Variants in RIMS2 observed in about 807,000 individuals in gnomAD.
The protein encoded by RIMS2 is regulating synaptic membrane exocytosis 2.
In RIMS2, 59 loss-of-function variants were observed where a neutral mutation model predicts 174.4. The ratio of observed to expected loss-of-function variants is 0.34; its 90% CI spans 0.27 to 0.42. The LOEUF (loss-of-function observed/expected upper bound fraction) is 0.42. Ranked by LOEUF, RIMS2 falls within the 10% of genes least tolerant of loss-of-function variation. RIMS2 has a pLI of 1.00. For missense variants in RIMS2, 1,620 were observed against 1,666.3 expected, an observed-to-expected ratio of 0.97 and a Z score of 0.48; for synonymous variants, 606 against 572.5, an observed-to-expected ratio of 1.06 and a Z score of -0.84.
intron 3 of RIMS2, among the ~76,000 whole-genome samples, chr8:103,801,825 T>C (rs1276465947): frequency 1.3e-5 from 2 of 152,240 alleles, no homozygotes; most frequent in East Asian, 3.9e-4. Context: ...TTGAAGCACT[T>C]GCTTTTCAAT....
chr8:103,977,605 C>A (rs2093560639), intron 16 of RIMS2: 1 of 152,186 alleles, frequency 6.6e-6, no homozygotes, highest in East Asian at 1.9e-4. Flanking sequence ...CAGTTCAATT[C>A]TGACACTGTA....
At chr8:103,881,469 A>G (rs1170208094) in intron 3 of RIMS2, among the ~76,000 whole-genome samples, 1 of 151,556 alleles carries the variant, frequency 6.6e-6, no homozygotes, top group African/African-American at 2.4e-5. Context: ...AATTTATGGC[A>G]TGTAAACCCT....
intron 19 of RIMS2, among the ~76,000 whole-genome samples, chr8:104,182,906 T>C (rs1329844633): frequency 1.3e-5 from 2 of 151,782 alleles, no homozygotes; most frequent in African/African-American, 2.4e-5. Context: ...TTTACAAATA[T>C]TGATGATTAT....
At chr8:104,175,212 G>GT (rs1347674137) in intron 19 of RIMS2, among the ~76,000 whole-genome samples, 11 of 150,914 alleles carry the variant, frequency 7.3e-5, no homozygotes, top group South Asian at 2.1e-4. Context: ...TTTCCAACAA[G>GT]TTTTTTTTTC....
At chr8:103,761,704 G>A (rs763968247) in intron 2 of RIMS2, among the ~76,000 whole-genome samples, 1 of 152,194 alleles carries the variant, frequency 6.6e-6, no homozygotes, top group Non-Finnish European at 1.5e-5. Flanking sequence ...TAGCTAGCCA[G>A]AATCTTTCAC....
chr8:103,631,713 T>G (rs2095926340), intron 1 of RIMS2, among the ~76,000 whole-genome samples: 1 of 152,182 alleles, frequency 6.6e-6, no homozygotes, highest in Non-Finnish European at 1.5e-5. Flanking sequence ...CTAGATTGCT[T>G]TGGGTAGTAT....
chr8:103,584,356 A>C (rs2093784517), intron 1 of RIMS2, among the ~76,000 whole-genome samples: 1 of 151,480 alleles, frequency 6.6e-6, no homozygotes, highest in South Asian at 2.1e-4. Context: ...CTTCAATCAG[A>C]AAGAAGAGGA....
intron 19 of RIMS2, among the ~76,000 whole-genome samples, chr8:104,077,612 A>G (rs192865706): frequency 7.4e-5 from 11 of 148,370 alleles, no homozygotes; most frequent in Admixed American, 5.3e-4. Context: ...ATATAAAATT[A>G]TAATGTATTT....
chr8:103,921,953 C>G, intron 10 of RIMS2, 169 bp downstream of exon 13: 1 of 408,252 alleles, frequency 2.4e-6, no homozygotes, highest in Non-Finnish European at 4.4e-6. Flanking sequence ...ATTTATCATA[C>G]TGCTTCATTT....
At chr8:103,998,263 T>C (rs770878871) in intron 17 of RIMS2, 30 of 1,584,174 alleles carry the variant, frequency 1.9e-5, no homozygotes, top group Non-Finnish European at 2.6e-5. Context: ...ATATTTTTCT[T>C]ACAATTGAGT....
intron 19 of RIMS2, among the ~76,000 whole-genome samples, chr8:104,182,355 T>C (rs2098944809): frequency 6.6e-6 from 1 of 151,828 alleles, no homozygotes; most frequent in Admixed American, 6.6e-5. Context: ...TAGAAAAATA[T>C]CTTATTTTTA....
intron 19 of RIMS2, among the ~76,000 whole-genome samples, chr8:104,040,582 C>T (rs62527159): frequency 0.25 from 38,343 of 151,364 alleles, 5,253 homozygotes; most frequent in African/African-American, 0.35. Flanking sequence ...TATAAAGTGG[C>T]ATTTGTAAGA....
At chr8:103,557,118 G>A (rs1442590293) in intron 1 of RIMS2, among the ~76,000 whole-genome samples, 1 of 152,138 alleles carries the variant, frequency 6.6e-6, no homozygotes, top group Non-Finnish European at 1.5e-5. Context: ...TGTATGTAAA[G>A]TACTTAACAC....
At chr8:103,647,844 A>G (rs1339805764) in intron 1 of RIMS2, among the ~76,000 whole-genome samples, 1 of 131,498 alleles carries the variant, frequency 7.6e-6, no homozygotes, top group Non-Finnish European at 1.7e-5. Flanking sequence ...GTGGTATATT[A>G]TATTAATTTT....
chr8:103,867,489 T>C (rs1316842319), intron 3 of RIMS2, among the ~76,000 whole-genome samples: 1 of 151,890 alleles, frequency 6.6e-6, no homozygotes, highest in Non-Finnish European at 1.5e-5. Flanking sequence ...ACTAACCTTT[T>C]AAGTTTTCTA....
chr8:104,090,522 A>C (rs964662362), intron 19 of RIMS2, among the ~76,000 whole-genome samples: 1 of 151,810 alleles, frequency 6.6e-6, no homozygotes, highest in African/African-American at 2.4e-5. Flanking sequence ...AAAACCAATC[A>C]GGAAAGCTGG....
At chr8:104,136,094 A>T (rs1173786956) in intron 19 of RIMS2, among the ~76,000 whole-genome samples, 1 of 152,198 alleles carries the variant, frequency 6.6e-6, no homozygotes, top group Admixed American at 6.5e-5. Flanking sequence ...CCAGTAGAGA[A>T]TTACTCTGTC....
intron 1 of RIMS2, chr8:103,559,457 G>T (rs1251576621): frequency 4.2e-5 from 14 of 331,488 alleles, no homozygotes; most frequent in African/African-American, 6.9e-5. Context: ...GGACTCTGGT[G>T]ATCAAGCTGC....
chr8:103,933,288 GAC>G (rs55909886), intron 12 of RIMS2, among the ~76,000 whole-genome samples: 13,742 of 119,290 alleles, frequency 0.12, 752 homozygotes, highest in Admixed American at 0.15. Context: ...TCGAGACTCT[GAC>G]ACACACACAC....
Sources: gnomAD v4.1 joint callset for allele counts (sites outside exome capture counted in the v4.1 genomes callset) on GRCh38, gnomAD v4.1.1 for gene constraint, MANE v1.5 for transcripts, NCBI Gene and HGNC (gene_info 2026-07-23, HGNC 2026-07-21) for gene names.